The following CALN1 variants were observed in gnomAD, a reference collection of about 807,000 sequenced individuals.
CALN1 encodes calcium-binding protein 8.
A neutral mutation model predicts 30.6 loss-of-function variants in CALN1; 17 were observed. That is an observed-to-expected ratio of 0.56 (90% CI 0.38 to 0.83). CALN1 has a LOEUF of 0.83. CALN1 is among the 40% of genes least tolerant of loss of function. The pLI, the probability that CALN1 is intolerant of heterozygous loss-of-function variation, is 0.00. For missense variants in CALN1, 291 were observed against 354.9 expected (o/e 0.82, Z 1.45); for synonymous variants, 156 against 131.4 (o/e 1.19, Z -1.28).
At chr7:72,148,054 C>T (rs1284056143) in intron 3 of CALN1, among the ~76,000 whole-genome samples, 1 of 145,422 alleles carries the variant, frequency 6.9e-6, no homozygotes, top group Admixed American at 7.0e-5. Context: ...AACAAACCTG[C>T]ATGTTGTGCA....
intron 2 of CALN1, among the ~76,000 whole-genome samples, chr7:72,312,838 AT>A (rs35536629): frequency 1.5e-3 from 223 of 149,050 alleles, no homozygotes; most frequent in African/African-American, 4.4e-3. Context: ...CCCTATCATA[AT>A]TTTTTTTTTT....
chr7:72,271,251 G>A (rs1334479469), intron 3 of CALN1, among the ~76,000 whole-genome samples: 3 of 152,158 alleles, frequency 2.0e-5, no homozygotes, highest in Middle Eastern at 3.4e-3. Context: ...CTGGAGATAC[G>A]TATCTTGAGG....
At chr7:71,827,649 G>A (rs1228869415) in intron 5 of CALN1, among the ~76,000 whole-genome samples, 1 of 151,956 alleles carries the variant, frequency 6.6e-6, no homozygotes, top group Non-Finnish European at 1.5e-5. Flanking sequence ...GTGGGTGCCT[G>A]TAGTCCCAGC....
At chr7:72,255,731 A>AT (rs10536438) in intron 3 of CALN1, among the ~76,000 whole-genome samples, 2,790 of 137,556 alleles carry the variant, frequency 0.02, 37 homozygotes, top group Non-Finnish European at 0.03. Flanking sequence ...CACTTAAATA[A>AT]TTTTTTTTTT....
chr7:71,861,510 T>G (rs1791275069), intron 5 of CALN1, among the ~76,000 whole-genome samples: 1 of 151,974 alleles, frequency 6.6e-6, no homozygotes, highest in Non-Finnish European at 1.5e-5. Flanking sequence ...ATGTGGTGGC[T>G]CACACCTGTA....
At chr7:71,955,178 C>T (rs990773685) in intron 5 of CALN1, among the ~76,000 whole-genome samples, 9 of 151,992 alleles carry the variant, frequency 5.9e-5, no homozygotes, top group Non-Finnish European at 1.2e-4. Flanking sequence ...GAGTGAGAAC[C>T]AAGCGAAACG....
chr7:72,365,332 CAAA>C (rs962987170), intron 2 of CALN1, among the ~76,000 whole-genome samples: 5 of 151,490 alleles, frequency 3.3e-5, no homozygotes, highest in Non-Finnish European at 5.9e-5. Context: ...GACCTTGTCT[CAAA>C]AGAAGAAAAA....
At chr7:72,306,233 G>C (rs762793233) in intron 2 of CALN1, among the ~76,000 whole-genome samples, 8 of 152,108 alleles carry the variant, frequency 5.3e-5, no homozygotes, top group Admixed American at 1.3e-4. Flanking sequence ...GTCCTTTGTG[G>C]GGGAAAATGT....
chr7:72,175,453 T>C (rs757545012), intron 3 of CALN1, among the ~76,000 whole-genome samples: 1 of 152,172 alleles, frequency 6.6e-6, no homozygotes, highest in African/African-American at 2.4e-5. Context: ...GTGAAGATTC[T>C]TGAGGAGCAT....
intron 5 of CALN1, among the ~76,000 whole-genome samples, chr7:71,912,203 G>C (rs1022637151): frequency 6.6e-6 from 1 of 152,024 alleles, no homozygotes. Flanking sequence ...ACAGAACGGA[G>C]GTCCAGCTGC....
At position 72,278,687 on chromosome 7, in the gene CALN1, A is replaced by G. The variant is rs764972384; in HGVS notation, c.243T>C (p.Asp81=). ...CCCCAAACAGGGTAGGCTCCTTACC[A>G]TCGAGCTCCTCCACGGAGATATTAG... ...QLANISVEEL[D]EIREAFRVLD... Residue 81 remains aspartate (D), a splice_region_variant and synonymous_variant, in exon 3 of 7, where the codon GAT becomes GAC. Transcript: ENST00000395275. 3.1e-5 allele frequency: 50 copies of G among 1,612,314 alleles called. No homozygotes were observed. Among genetic ancestry groups the G allele is most frequent in the Non-Finnish European group, 3.9e-5 (46 of 1,178,680 alleles).
At chr7:72,368,165 A>G (rs914303779) in intron 2 of CALN1, among the ~76,000 whole-genome samples, 16 of 151,250 alleles carry the variant, frequency 1.1e-4, no homozygotes, top group African/African-American at 1.7e-4. Context: ...GTGTATATAT[A>G]TATGTGTATA....
intron 2 of CALN1, among the ~76,000 whole-genome samples, chr7:72,298,800 T>G (rs1585403850): frequency 2.0e-5 from 1 of 48,882 alleles, no homozygotes; most frequent in Admixed American, 2.5e-4. Flanking sequence ...GATCTGATGG[T>G]TTTAAAAAAA....
chr7:71,955,588 C>T (rs907635604), intron 5 of CALN1, among the ~76,000 whole-genome samples: 2 of 152,032 alleles, frequency 1.3e-5, no homozygotes, highest in African/African-American at 4.8e-5. Flanking sequence ...TGAACGCTTT[C>T]CCCACTGGTC....
At chr7:72,315,516 G>A (rs1223803420) in intron 2 of CALN1, among the ~76,000 whole-genome samples, 1 of 151,994 alleles carries the variant, frequency 6.6e-6, no homozygotes, top group Non-Finnish European at 1.5e-5. Flanking sequence ...GGACCAGCCT[G>A]GAAAACACAG....
chr7:72,047,545 C>T (rs1563008102), intron 4 of CALN1, among the ~76,000 whole-genome samples: 1 of 152,158 alleles, frequency 6.6e-6, no homozygotes, highest in South Asian at 2.1e-4. Context: ...GCTATGATCA[C>T]ACCACTGCAC....
intron 3 of CALN1, among the ~76,000 whole-genome samples, chr7:72,276,879 C>A (rs1476091293): frequency 6.6e-6 from 1 of 152,144 alleles, no homozygotes; most frequent in African/African-American, 2.4e-5. Flanking sequence ...TAAGACAGTG[C>A]CCTTACATAC....
intron 5 of CALN1, among the ~76,000 whole-genome samples, chr7:71,865,903 C>G (rs1046663390): frequency 6.6e-5 from 10 of 151,776 alleles, no homozygotes; most frequent in African/African-American, 9.7e-5. Flanking sequence ...TGAAACAAGT[C>G]AAATAAAAAT....
chr7:71,880,160 G>T (rs1018598256), intron 5 of CALN1, among the ~76,000 whole-genome samples: 2 of 152,070 alleles, frequency 1.3e-5, no homozygotes, highest in Non-Finnish European at 2.9e-5. Context: ...AAAAATGGAG[G>T]TTAGAGATTT....
Sources: allele counts gnomAD v4.1 joint callset (sites outside exome capture counted in the v4.1 genomes callset), GRCh38; gene constraint gnomAD v4.1.1; transcripts MANE v1.5; gene names NCBI Gene and HGNC (gene_info 2026-07-23, HGNC 2026-07-21).